TLN2: variants seen among roughly 807,000 people sequenced by gnomAD.
TLN2 encodes the protein talin 2.
A neutral mutation model predicts 294.7 loss-of-function variants in TLN2; 118 were observed. That is an observed-to-expected ratio of 0.40 (90% CI 0.34 to 0.47). The LOEUF (loss-of-function observed/expected upper bound fraction) is 0.47, where lower values mean the gene tolerates loss of function less well. Ranked by LOEUF, TLN2 falls within the 20% of genes least tolerant of loss-of-function variation. The pLI is 0.84. For synonymous variants in TLN2, 1,431 were observed against 1,304.5 expected (o/e 1.10, Z -2.09); for missense variants, 3,083 against 3,282.2 (o/e 0.94, Z 1.48).
intron 1 of TLN2, among the ~76,000 whole-genome samples, chr15:62,446,542 T>C (rs1430765100): frequency 6.6e-6 from 1 of 152,184 alleles, no homozygotes; most frequent in Non-Finnish European, 1.5e-5. Context: ...GTCAGACGAC[T>C]TGGGTTCTAG....
chr15:62,503,677 C>T (rs2039428442), intron 1 of TLN2, among the ~76,000 whole-genome samples: 1 of 152,222 alleles, frequency 6.6e-6, no homozygotes, highest in African/African-American at 2.4e-5. Context: ...GCCCCATTTC[C>T]TCTCTTGGCT....
At chr15:62,509,738 T>C (rs565372732) in intron 1 of TLN2, among the ~76,000 whole-genome samples, 1 of 152,244 alleles carries the variant, frequency 6.6e-6, no homozygotes, top group South Asian at 2.1e-4. Context: ...GCGCCTCCTT[T>C]ACAGACAGGA....
At chr15:62,555,144 C>T (rs368652596) in intron 1 of TLN2, among the ~76,000 whole-genome samples, 28 of 152,120 alleles carry the variant, frequency 1.8e-4, no homozygotes, top group African/African-American at 4.6e-4. Flanking sequence ...CTTTGAAGTG[C>T]GAAGCTTTTC....
chr15:62,582,246 A>ACACACACCCCCCC (rs764248336), intron 1 of TLN2, among the ~76,000 whole-genome samples: 1 of 137,240 alleles, frequency 7.3e-6, no homozygotes, highest in East Asian at 2.3e-4. Flanking sequence ...ACACACACAC[A>ACACACACCCCCCC]CATTCATGCC....
intron 1 of TLN2, among the ~76,000 whole-genome samples, chr15:62,399,965 G>A (rs1399459297): frequency 6.6e-6 from 1 of 152,130 alleles, no homozygotes; most frequent in African/African-American, 2.4e-5. Flanking sequence ...ATTTGGGAGG[G>A]GGCAGGGGTG....
chr15:62,429,987 G>A (rs760964858), intron 1 of TLN2, among the ~76,000 whole-genome samples: 3 of 152,146 alleles, frequency 2.0e-5, no homozygotes, highest in Non-Finnish European at 4.4e-5. Flanking sequence ...GGCCCGAACT[G>A]ATAAGAAAAA....
intron 47 of TLN2, 126 bp downstream of exon 47, chr15:62,796,419 A>C: frequency 4.4e-6 from 5 of 1,146,132 alleles, no homozygotes; most frequent in Non-Finnish European, 6.0e-6. Flanking sequence ...AAGATGCACA[A>C]GTTGGGAAAG....
At chr15:62,788,164 A>T in intron 45 of TLN2, among the ~76,000 whole-genome samples, 1 of 151,674 alleles carries the variant, frequency 6.6e-6, no homozygotes, top group East Asian at 2.0e-4. Flanking sequence ...TACAAAAATT[A>T]GCCGGGCATG....
At chr15:62,747,161 A>G (rs886628254) in intron 32 of TLN2, among the ~76,000 whole-genome samples, 2 of 152,196 alleles carry the variant, frequency 1.3e-5, no homozygotes, top group Admixed American at 1.3e-4. Flanking sequence ...AAAATTATCC[A>G]TGTCATTACT....
At position 62,810,004 on chromosome 15, in the gene TLN2, A is replaced by C. The variant is rs780374642; in HGVS notation, c.6743A>C (p.Tyr2248Ser). The C allele has an allele frequency of 6.2e-7, 1 of 1,613,794 alleles. No homozygotes were observed. The highest frequency in any genetic ancestry group is 1.7e-5 in the Admixed American group (1 of 59,990). Reference sequence around the variant, plus strand: ...TTCGGGACGGAGTGCACCCTTGGCTACTTGGACCTCCTGGAGCACGTCTTG... The same window carrying C: ...TTCGGGACGGAGTGCACCCTTGGCTCCTTGGACCTCCTGGAGCACGTCTTG... ...LRFGTECTLG[Y>S]LDLLEHVLVI... is the part of the protein sequence containing the mutation. The change falls in exon 52 of 59, where the codon TAC (tyrosine) becomes TCC (serine). Residue 2248 changes from tyrosine (Y) to serine (S), a missense_variant. Physicochemically the swap from Tyr to Ser is moderately radical, Grantham distance 144. Coordinates refer to ENST00000636159, the MANE Select transcript of TLN2 (RefSeq NM_015059.3).
At chr15:62,573,286 T>C (rs551717922) in intron 1 of TLN2, among the ~76,000 whole-genome samples, 20 of 152,258 alleles carry the variant, frequency 1.3e-4, no homozygotes, top group Middle Eastern at 3.4e-3. Flanking sequence ...CACTTCCTTC[T>C]TTACCTGGCT....
At chr15:62,607,598 T>G (rs80103711) in intron 2 of TLN2, among the ~76,000 whole-genome samples, 7,968 of 152,300 alleles carry the variant, frequency 0.052, 395 homozygotes, top group East Asian at 0.16. Flanking sequence ...AAAGGATCCC[T>G]CCTTTCAAAC....
intron 1 of TLN2, among the ~76,000 whole-genome samples, chr15:62,521,297 G>A (rs1165077674): frequency 4.6e-5 from 7 of 152,114 alleles, no homozygotes; most frequent in African/African-American, 1.7e-4. Flanking sequence ...TGAGGGTGGG[G>A]GGTACAGGGG....
chr15:62,779,285 G>C (rs2063941811), intron 43 of TLN2, among the ~76,000 whole-genome samples: 1 of 152,194 alleles, frequency 6.6e-6, no homozygotes, highest in African/African-American at 2.4e-5. Context: ...TCCTCATTCA[G>C]TGAGGTTGGT....
chr15:62,410,039 C>G (rs185220974), intron 1 of TLN2, among the ~76,000 whole-genome samples: 3 of 152,090 alleles, frequency 2.0e-5, no homozygotes, highest in African/African-American at 7.2e-5. Context: ...GTCAGGAGTT[C>G]AAGACCAGCC....
intron 12 of TLN2, among the ~76,000 whole-genome samples, chr15:62,692,179 A>G (rs1002536149): frequency 6.6e-6 from 1 of 152,188 alleles, no homozygotes; most frequent in Non-Finnish European, 1.5e-5. Context: ...TCTGTCGATG[A>G]AGGCAGAAGG....
At chr15:62,743,333 T>C (rs1056263845) in intron 32 of TLN2, among the ~76,000 whole-genome samples, 4 of 152,010 alleles carry the variant, frequency 2.6e-5, no homozygotes, top group African/African-American at 9.7e-5. Context: ...CCCACTCCTG[T>C]GTTAACAGTC....
chr15:62,408,076 C>T lies in TLN2; in HGVS notation c.-238+17391C>T, dbSNP rs563729376. ...GAGCAAGGTCTGAGCTCTTTGTCTG[C>T]CCACACCATGCTAATTGTCCCTCCG... On this transcript the variant is annotated intron_variant, in intron 1 of 58. Transcript: ENST00000636159. 2.7e-3 allele frequency among the ~76,000 whole-genome samples: 404 copies of T among 152,260 alleles called. 2 individuals are homozygous for T. The highest frequency in any genetic ancestry group is 0.014 in the Middle Eastern group (4 of 294).
At chr15:62,835,221 A>G (rs1410745077) in intron 55 of TLN2, 1 of 154,660 alleles carries the variant, frequency 6.5e-6, no homozygotes, top group Non-Finnish European at 1.4e-5. Context: ...ACCCCTGACA[A>G]ATGGTATTTC....
Sources: gnomAD v4.1 joint callset for allele counts (sites outside exome capture counted in the v4.1 genomes callset) on GRCh38, gnomAD v4.1.1 for gene constraint, MANE v1.5 for transcripts, NCBI Gene and HGNC (gene_info 2026-07-23, HGNC 2026-07-21) for gene names.